Variants in HIPK2 observed in about 807,000 individuals in gnomAD.
The protein encoded by HIPK2 is homeodomain-interacting protein kinase 2.
In HIPK2, 27 loss-of-function variants were observed where a neutral mutation model predicts 113.7. That is an observed-to-expected ratio of 0.24 (90% CI 0.17 to 0.33). The LOEUF is 0.33. Ranked by LOEUF, HIPK2 falls within the 10% of genes least tolerant of loss-of-function variation. The pLI, the probability that HIPK2 is intolerant of heterozygous loss-of-function variation, is 1.00. For missense variants in HIPK2, 1,257 were observed against 1,588.0 expected (o/e 0.79, Z 3.54); for synonymous variants, 631 against 642.2 (o/e 0.98, Z 0.26).
intron 1 of HIPK2, among the ~76,000 whole-genome samples, chr7:139,754,485 G>T (rs925429971): frequency 2.0e-5 from 3 of 152,176 alleles, no homozygotes; most frequent in Non-Finnish European, 4.4e-5. Context: ...CAAGAAAGCT[G>T]GTTCCACCAA....
In HIPK2 at chr7:139,569,357, C is replaced by G. The variant is rs1278956140; in HGVS notation, c.*3570G>C. ...GAACCTAAGCCACGCCCCAGGTGCG[C>G]CGATGGCAAAAGGATGGATTGTGGG... On this transcript the variant is annotated 3_prime_UTR_variant, in exon 15 of 15. Coordinates refer to ENST00000406875, the MANE Select transcript of HIPK2 (RefSeq NM_022740.5). 1 of 152,230 alleles carries G rather than the reference C, an allele frequency of 6.6e-6. No homozygotes were observed. Among genetic ancestry groups the G allele is most frequent in the Non-Finnish European group, 1.5e-5 (1 of 68,106 alleles). The allele number at this position is 152,230 out of a possible 1,614,324, so 9.4% of individuals were successfully genotyped here.
At chr7:139,740,684 C>T (rs1451215328) in intron 1 of HIPK2, among the ~76,000 whole-genome samples, 1 of 152,168 alleles carries the variant, frequency 6.6e-6, no homozygotes, top group African/African-American at 2.4e-5. Context: ...TAATATATTT[C>T]AGAGCAAGGG....
intron 2 of HIPK2, among the ~76,000 whole-genome samples, chr7:139,632,623 C>A (rs1800656306): frequency 6.6e-6 from 1 of 152,146 alleles, no homozygotes; most frequent in Non-Finnish European, 1.5e-5. Context: ...ATCACCTAAA[C>A]CCCAAGAGAA....
chr7:139,769,496 T>C (rs1266098876), intron 1 of HIPK2, among the ~76,000 whole-genome samples: 1 of 152,218 alleles, frequency 6.6e-6, no homozygotes, highest in Non-Finnish European at 1.5e-5. Flanking sequence ...TAACAACTGA[T>C]CCCAAACACT....
At chr7:139,726,166 G>C (rs1319936692) in intron 1 of HIPK2, among the ~76,000 whole-genome samples, 1 of 152,194 alleles carries the variant, frequency 6.6e-6, no homozygotes, top group Non-Finnish European at 1.5e-5. Context: ...TATTTAAAGA[G>C]GTAACCACTG....
At chr7:139,710,852 A>C (rs940569445) in intron 2 of HIPK2, among the ~76,000 whole-genome samples, 1 of 152,102 alleles carries the variant, frequency 6.6e-6, no homozygotes, top group African/African-American at 2.4e-5. Context: ...GTTTAAAAGC[A>C]TGTAGCACCT....
In HIPK2 at chr7:139,570,818, TCAA is replaced by T. The variant is rs1423129952; in HGVS notation, c.*2106_*2108del. On this transcript the variant is annotated 3_prime_UTR_variant, in exon 15 of 15. Coordinates refer to ENST00000406875, the MANE Select transcript of HIPK2 (RefSeq NM_022740.5). Reference sequence around the variant, plus strand: ...CCTGCCTGTGGGGTCAGCTAAAGACTCAACATCAGAAGCAAACAATTAGAACCA... The same window carrying T: ...CCTGCCTGTGGGGTCAGCTAAAGACTCATCAGAAGCAAACAATTAGAACCA... 1 of 152,254 alleles carries T rather than the reference TCAA, an allele frequency of 6.6e-6. No individual in the cohort carries two copies. Among genetic ancestry groups the T allele is most frequent in the East Asian group, 1.9e-4 (1 of 5,188 alleles). The allele number at this position is 152,254 out of a possible 1,614,324, so 9.4% of individuals were successfully genotyped here.
intron 2 of HIPK2, among the ~76,000 whole-genome samples, chr7:139,671,775 C>T (rs1035035128): frequency 1.2e-4 from 18 of 152,106 alleles, no homozygotes; most frequent in Admixed American, 7.2e-4. Context: ...TGGTCTCGAA[C>T]GACCTCAGGT....
At position 139,777,673 on chromosome 7, in the gene HIPK2, C is replaced by T; in HGVS notation, c.-50G>A. 1 of 1,083,132 alleles carries T rather than the reference C, an allele frequency of 9.2e-7. No individual in the cohort carries two copies. The highest frequency in any genetic ancestry group is 1.1e-6 in the Non-Finnish European group (1 of 892,034). 67.1% of individuals were successfully genotyped at this position (1,083,132 alleles called of 1,614,324 possible). A position where few individuals can be genotyped will look rare whatever the true frequency, so the allele number is the denominator to read the frequency against. On this transcript the variant is annotated 5_prime_UTR_variant, in exon 1 of 15. Coordinates refer to ENST00000406875, the MANE Select transcript of HIPK2 (RefSeq NM_022740.5). Reference sequence around the variant, plus strand: ...TGGCAACGGGGACGGGAAAGCGGCGCGCGAGCTCGGCCCCCCCAGCCTCAG... The same window carrying T: ...TGGCAACGGGGACGGGAAAGCGGCGTGCGAGCTCGGCCCCCCCAGCCTCAG...
At chr7:139,766,840 G>T (rs1005691046) in intron 1 of HIPK2, among the ~76,000 whole-genome samples, 1 of 152,092 alleles carries the variant, frequency 6.6e-6, no homozygotes, top group Non-Finnish European at 1.5e-5. Flanking sequence ...GATGATATTT[G>T]GCCCATTTTA....
chr7:139,775,775 C>CGG (rs1030983620), intron 1 of HIPK2, among the ~76,000 whole-genome samples: 1 of 152,146 alleles, frequency 6.6e-6, no homozygotes, highest in African/African-American at 2.4e-5. Context: ...GTCTCAGCCT[C>CGG]GGGGGCATGG....
At chr7:139,717,588 C>T (rs1169653736) in intron 1 of HIPK2, among the ~76,000 whole-genome samples, 3 of 152,178 alleles carry the variant, frequency 2.0e-5, no homozygotes, top group East Asian at 1.9e-4. Flanking sequence ...GTTGGTCTGA[C>T]GTTTTTCATT....
At chr7:139,687,604 A>G (rs544719761) in intron 2 of HIPK2, among the ~76,000 whole-genome samples, 72 of 152,276 alleles carry the variant, frequency 4.7e-4, no homozygotes, top group African/African-American at 1.6e-3. Context: ...AGCTGCCCCC[A>G]ATTCTTGTCT....
At chr7:139,754,434 C>T (rs1033853389) in intron 1 of HIPK2, among the ~76,000 whole-genome samples, 3 of 152,170 alleles carry the variant, frequency 2.0e-5, no homozygotes, top group Non-Finnish European at 4.4e-5. Flanking sequence ...TCCACCACAT[C>T]AGGGCTGAAA....
At chr7:139,709,312 C>T (rs530363279) in intron 2 of HIPK2, among the ~76,000 whole-genome samples, 1 of 152,184 alleles carries the variant, frequency 6.6e-6, no homozygotes, top group African/African-American at 2.4e-5. Context: ...TTCATGCCTG[C>T]GATGCACTTG....
intron 14 of HIPK2, 37 bp from the exon 15 acceptor site, chr7:139,573,434 C>A (rs908702980): frequency 6.3e-7 from 1 of 1,584,206 alleles, no homozygotes; most frequent in African/African-American, 1.3e-5. Flanking sequence ...CGTCAGGGGC[C>A]GACACATGGG....
intron 1 of HIPK2, among the ~76,000 whole-genome samples, chr7:139,735,023 A>G (rs1390206621): frequency 6.6e-6 from 1 of 152,196 alleles, no homozygotes; most frequent in Non-Finnish European, 1.5e-5. Context: ...TACCTAAATA[A>G]AGAGAGATGA....
In HIPK2 at chr7:139,714,378, C is replaced by T. The variant is rs533370921; in HGVS notation, c.1103+1554G>A. ...GTGGGAGGGCATCTGGGGATCCGAA[C>T]GGAGGGGCTGTTGCTCTCCCAGGGA... On this transcript the variant is annotated intron_variant, in intron 2 of 14. Transcript: ENST00000406875. The surrounding 1 kb of genome is among the most constrained non-coding windows in gnomAD (Gnocchi z 4.2). 5.9e-5 allele frequency among the ~76,000 whole-genome samples: 9 copies of T among 152,218 alleles called. No individual in the cohort carries two copies. In the East Asian group the frequency reaches 1.4e-3, roughly 23 times the overall value.
At position 139,562,794 on chromosome 7, in the gene HIPK2, G is replaced by C. The variant is rs1450947314; in HGVS notation, c.*10133C>G. On this transcript the variant is annotated 3_prime_UTR_variant, in exon 15 of 15. Transcript: ENST00000406875. ...ACCAGTCTTGACTCCGACCTCTAAA[G>C]AGCTCCTTCTCCTCATCTGTAAAGC... The C allele has an allele frequency of 4.6e-5, 7 of 152,284 alleles. No individual in the cohort carries two copies. Among genetic ancestry groups the C allele is most frequent in the African/African-American group, 1.7e-4 (7 of 41,466 alleles). 9.4% of individuals were successfully genotyped at this position (152,284 alleles called of 1,614,324 possible). A position where few individuals can be genotyped will look rare whatever the true frequency, so the allele number is the denominator to read the frequency against.
Sources: gnomAD v4.1 joint callset for allele counts (sites outside exome capture counted in the v4.1 genomes callset) on GRCh38, gnomAD v4.1.1 for gene constraint, Gnocchi (gnomAD v3.1) non-coding constraint, MANE v1.5 for transcripts, NCBI Gene and HGNC (gene_info 2026-07-23, HGNC 2026-07-21) for gene names.